The following ARHGEF18 variants were observed in gnomAD, a reference collection of about 807,000 sequenced individuals.
ARHGEF18 encodes the protein rho guanine nucleotide exchange factor 18.
In ARHGEF18, 93 loss-of-function variants were observed where a neutral mutation model predicts 155.7. The observed-to-expected ratio is 0.60, with a 90% CI of 0.50 to 0.71. The LOEUF is 0.71. ARHGEF18 is among the 30% of genes least tolerant of loss of function. The pLI is 0.00. For missense variants in ARHGEF18, 1,593 were observed against 1,816.1 expected, an observed-to-expected ratio of 0.88 and a Z score of 2.23; for synonymous variants, 742 against 753.1, an observed-to-expected ratio of 0.99 and a Z score of 0.24.
intron 3 of ARHGEF18, among the ~76,000 whole-genome samples, chr19:7,375,186 C>T (rs1459987188): frequency 1.3e-5 from 2 of 149,856 alleles, no homozygotes; most frequent in East Asian, 2.0e-4. Flanking sequence ...GGAGGAGAAT[C>T]GTTTGAACCT....
intron 2 of ARHGEF18, among the ~76,000 whole-genome samples, chr19:7,370,915 T>TTC (rs1491060167): frequency 2.6e-5 from 4 of 151,696 alleles, no homozygotes; most frequent in African/African-American, 9.7e-5. Context: ...TTTTTTTCTT[T>TTC]CTTTCTTTCT....
At position 7,367,642 on chromosome 19, in the gene ARHGEF18, A is replaced by G. The variant is rs201377706; in HGVS notation, c.15+4737A>G. 3.9e-4 allele frequency among the ~76,000 whole-genome samples: 59 copies of G among 150,164 alleles called. 1 individual carries two copies. The East Asian group carries it at 0.012, about 29-fold the overall frequency. On this transcript the variant is annotated intron_variant, in intron 2 of 28. Transcript: ENST00000668164. Reference sequence around the variant, plus strand: ...ACACCTGTAATCCCAGCTACTCGGGAGACTGAGGCAGGAGACTCACTTGAA... The same window carrying G: ...ACACCTGTAATCCCAGCTACTCGGGGGACTGAGGCAGGAGACTCACTTGAA...
At position 7,462,836 on chromosome 19, in the gene ARHGEF18, C is replaced by CTTTTTTT. The variant is rs34155241; in HGVS notation, c.2635+514_2635+520dup. ...AGTCTGCTCTTTCTTTTTTTCTTTTCTTTTTTTTTTTTTTTTTTGAGATGG... is the reference window on the plus strand; with the variant it reads ...AGTCTGCTCTTTCTTTTTTTCTTTTCTTTTTTTTTTTTTTTTTTTTTTTTTGAGATGG... On this transcript the variant is annotated intron_variant, in intron 21 of 28. Coordinates refer to ENST00000668164, the MANE Select transcript of ARHGEF18 (RefSeq NM_001367823.1). This position sits in a 1 kb window ranked among gnomAD's most constrained non-coding sequence, Gnocchi z 4.4. Among the ~76,000 whole-genome samples the CTTTTTTT allele has an allele frequency of 3.1e-5, 3 of 96,490 alleles. No homozygotes were observed. The highest frequency in any genetic ancestry group is 1.3e-4 in the African/African-American group (3 of 22,520). The allele number at this position is 96,490 out of a possible 152,430, so 63.3% of individuals were successfully genotyped here. A position where few individuals can be genotyped will look rare whatever the true frequency, so the allele number is the denominator to read the frequency against.
chr19:7,438,249 C>T (rs1375869033), intron 10 of ARHGEF18, among the ~76,000 whole-genome samples: 4 of 149,486 alleles, frequency 2.7e-5, no homozygotes, highest in South Asian at 2.1e-4. Flanking sequence ...TACAGGCGTG[C>T]GCCACTTGTG....
intron 10 of ARHGEF18, among the ~76,000 whole-genome samples, chr19:7,429,009 G>T (rs114545156): frequency 8.5e-5 from 13 of 152,208 alleles, no homozygotes; most frequent in African/African-American, 2.9e-4. Context: ...AAGGAAGCCC[G>T]CAGGCCTAGG....
At chr19:7,405,703 C>G (rs1237895629) in intron 10 of ARHGEF18, among the ~76,000 whole-genome samples, 2 of 151,694 alleles carry the variant, frequency 1.3e-5, no homozygotes, top group South Asian at 2.1e-4. Context: ...CTCTACCTGC[C>G]AGGCTCAAGC....
chr19:7,426,551 C>G (rs1268060925), intron 10 of ARHGEF18, among the ~76,000 whole-genome samples: 1 of 151,940 alleles, frequency 6.6e-6, no homozygotes, highest in Non-Finnish European at 1.5e-5. Flanking sequence ...GGTAGTACAC[C>G]AGACACCTAA....
Position 7,427,658 on chromosome 19 carries a change from AAAG to A in ARHGEF18, c.968-12682_968-12680del, listed in dbSNP as rs1466743110. On this transcript the variant is annotated intron_variant, in intron 10 of 28. Coordinates refer to ENST00000668164, the MANE Select transcript of ARHGEF18 (RefSeq NM_001367823.1). ...AGACCCTGTCTCTAAAAAAAAAAAAAAAGAAGGCCGGGCGCAGTGGCTCACACC... is the reference window on the plus strand; with the variant it reads ...AGACCCTGTCTCTAAAAAAAAAAAAAAAGGCCGGGCGCAGTGGCTCACACC... Among the ~76,000 whole-genome samples the A allele has an allele frequency of 6.9e-5, 10 of 145,556 alleles. No homozygotes were observed. The East Asian group carries it at 1.9e-3, about 27-fold the overall frequency.
intron 10 of ARHGEF18, chr19:7,394,993 C>A: frequency 1.0e-6 from 1 of 963,296 alleles, no homozygotes; most frequent in Non-Finnish European, 1.2e-6. Context: ...GCCCCCTCAC[C>A]ACGGCTCGGG....
At chr19:7,456,482 C>T (rs574519160) in intron 18 of ARHGEF18, 79 bp downstream of exon 18, 148 of 1,325,980 alleles carry the variant, frequency 1.1e-4, no homozygotes, top group Non-Finnish European at 1.4e-4. Context: ...TTTGGGAGGC[C>T]GAGGTGGGCA....
chr19:7,362,319 GA>G (rs1969661843), intron 1 of ARHGEF18, among the ~76,000 whole-genome samples: 1 of 145,730 alleles, frequency 6.9e-6, no homozygotes, highest in African/African-American at 2.8e-5. Flanking sequence ...GAAGAAGAAG[GA>G]AGAAGGTGGA....
chr19:7,458,236 A>G lies in ARHGEF18; in HGVS notation c.2182-276A>G, dbSNP rs997797280. Among the ~76,000 whole-genome samples, 3 of 149,572 alleles carry G rather than the reference A, an allele frequency of 2.0e-5. No individual in the cohort carries two copies. In the South Asian group the frequency reaches 6.5e-4, roughly 32 times the overall value. ...CAGGAGGTCAAGGCTGCAGGGAACA[A>G]TGATTGCACCACTGCACTACAGCCT... On this transcript the variant is annotated intron_variant, in intron 18 of 28. Coordinates refer to ENST00000668164, the MANE Select transcript of ARHGEF18 (RefSeq NM_001367823.1).
chr19:7,381,498 T>G (rs896034214), intron 8 of ARHGEF18, among the ~76,000 whole-genome samples: 1 of 151,826 alleles, frequency 6.6e-6, no homozygotes, highest in Admixed American at 6.6e-5. Flanking sequence ...GCCAACATGG[T>G]GAAACCCAAT....
Position 7,396,642 on chromosome 19 carries a change from G to A in ARHGEF18, c.967+13439G>A, listed in dbSNP as rs569290822. ...AGGCAGGGGAATCACTTGAACTCGG[G>A]AGGCAGAAGTTGCAGTGAGCCGCGA... On this transcript the variant is annotated intron_variant, in intron 10 of 28. Coordinates refer to ENST00000668164, the MANE Select transcript of ARHGEF18 (RefSeq NM_001367823.1). Among the ~76,000 whole-genome samples, 928 of 151,964 alleles carry A rather than the reference G, an allele frequency of 6.1e-3. 3 individuals are homozygous for A. The highest frequency in any genetic ancestry group is 9.6e-3 in the Non-Finnish European group (652 of 67,964).
rs948754001 is a variant in ARHGEF18, at chr19:7,382,894, G to C, written c.825G>C (p.Lys275Asn). 1.9e-5 allele frequency: 24 copies of C among 1,232,362 alleles called. No individual in the cohort carries two copies. The African/African-American group carries it at 2.0e-4, about 10-fold the overall frequency. 76.3% of individuals were successfully genotyped at this position (1,232,362 alleles called of 1,614,324 possible). The change falls in exon 9 of 29, where the codon AAG becomes AAC. Residue 275 changes from lysine (K) to asparagine (N), a missense_variant and splice_region_variant. Transcript: ENST00000668164. ...LRSRVTRQKE[K>N]GKSPAHLKDK... ...GTCGAGTGACCAGGCAGAAGGAGAA[G>C]GTAAGGGGAGCTAAGCCACGGGGGC...
At position 7,357,792 on chromosome 19, in the gene ARHGEF18, C is replaced by T. The variant is rs77177583; in HGVS notation, c.-110-4989C>T. Among the ~76,000 whole-genome samples, 653 of 152,166 alleles carry T rather than the reference C, an allele frequency of 4.3e-3. 28 individuals are homozygous for T. In the East Asian group the frequency reaches 0.1, roughly 24 times the overall value. On this transcript the variant is annotated intron_variant, in intron 1 of 28. Coordinates refer to ENST00000668164, the MANE Select transcript of ARHGEF18 (RefSeq NM_001367823.1). ...GCAAGTAAGGCTTGAGAGAGGAGAA[C>T]TGAGACCTTCAGTGAAGGGTCCCAG...
intron 10 of ARHGEF18, among the ~76,000 whole-genome samples, chr19:7,438,830 G>A (rs1306783838): frequency 6.6e-6 from 1 of 152,094 alleles, no homozygotes; most frequent in Non-Finnish European, 1.5e-5. Context: ...TTGTCAAATA[G>A]GAGGGGAAAA....
intron 23 of ARHGEF18, among the ~76,000 whole-genome samples, chr19:7,465,767 C>T (rs1322864511): frequency 1.3e-5 from 2 of 152,016 alleles, no homozygotes; most frequent in Non-Finnish European, 2.9e-5. Context: ...AGCAAGACCA[C>T]ATGTCGACAA....
intron 10 of ARHGEF18, among the ~76,000 whole-genome samples, chr19:7,423,287 C>G (rs1369372134): frequency 6.6e-6 from 1 of 152,118 alleles, no homozygotes; most frequent in Non-Finnish European, 1.5e-5. Flanking sequence ...CAGTTGGCCC[C>G]TTGCTCTGTT....
Sources: allele counts gnomAD v4.1 joint callset (sites outside exome capture counted in the v4.1 genomes callset), GRCh38; gene constraint gnomAD v4.1.1; non-coding constraint Gnocchi (gnomAD v3.1); transcripts MANE v1.5; gene names NCBI Gene and HGNC (gene_info 2026-07-23, HGNC 2026-07-21).